The following DENND10 variants were observed in gnomAD, a reference collection of about 807,000 sequenced individuals.
The protein encoded by DENND10 is DENN domain-containing protein 10.
In DENND10, 24 loss-of-function variants were observed where a neutral mutation model predicts 43.6. The ratio of observed to expected loss-of-function variants is 0.55; its 90% CI spans 0.40 to 0.77. The LOEUF (loss-of-function observed/expected upper bound fraction) is 0.77. Among genes scored for constraint, DENND10 ranks in the 30% least tolerant of loss-of-function variants. DENND10 has a pLI of 0.00. For synonymous variants in DENND10, 125 were observed against 157.6 expected (o/e 0.79, Z 1.55); for missense variants, 303 against 429.9 (o/e 0.70, Z 2.61).
At chr10:119,108,764 C>T (rs147266265) in intron 2 of DENND10, among the ~76,000 whole-genome samples, 1 of 151,092 alleles carries the variant, frequency 6.6e-6, no homozygotes, top group Non-Finnish European at 1.5e-5. Context: ...AAGCGATTCA[C>T]CTGCTTCAGC....
chr10:119,112,280 G>A (rs181327127), intron 3 of DENND10, among the ~76,000 whole-genome samples: 62 of 152,176 alleles, frequency 4.1e-4, no homozygotes, highest in African/African-American at 1.4e-3. Context: ...AAACTGGTTC[G>A]TATGTGTCAA....
rs1846392757 is a variant in DENND10 at position 119,137,030 on chromosome 10, C to G, written c.*383C>G. 5.6e-6 allele frequency: 1 copy of G among 178,318 alleles called. No homozygotes were observed. The highest frequency in any genetic ancestry group is 2.4e-5 in the African/African-American group (1 of 41,726). 11.0% of individuals were successfully genotyped at this position (178,318 alleles called of 1,614,324 possible). Reference sequence around the variant, plus strand: ...TAATGGTTTATTTTCAGAAAGCTGCCTGAAACGTTGCTTTGTATTCTTCTA... The same window carrying G: ...TAATGGTTTATTTTCAGAAAGCTGCGTGAAACGTTGCTTTGTATTCTTCTA... On this transcript the variant is annotated 3_prime_UTR_variant, in exon 9 of 9. Transcript: ENST00000361432.
intron 4 of DENND10, among the ~76,000 whole-genome samples, chr10:119,118,786 TCAGCCTC>T (rs1845416946): frequency 6.6e-6 from 1 of 151,162 alleles, no homozygotes; most frequent in Non-Finnish European, 1.5e-5. Context: ...TCCTTCCACC[TCAGCCTC>T]CCGAGTAGCT....
chr10:119,110,295 C>T (rs10886386), intron 2 of DENND10, among the ~76,000 whole-genome samples: 84,857 of 151,302 alleles, frequency 0.56, 24,354 homozygotes, highest in Middle Eastern at 0.7. Context: ...CCTCAGCCTC[C>T]CAAGTAGCTG....
intron 3 of DENND10, among the ~76,000 whole-genome samples, chr10:119,114,803 T>C (rs1404118104): frequency 6.6e-6 from 1 of 151,466 alleles, no homozygotes; most frequent in Non-Finnish European, 1.5e-5. Context: ...AGAGTTTCAC[T>C]CTGTCACCCA....
chr10:119,113,716 A>G (rs1410082086), intron 3 of DENND10, among the ~76,000 whole-genome samples: 1 of 151,054 alleles, frequency 6.6e-6, no homozygotes, highest in Non-Finnish European at 1.5e-5. Flanking sequence ...GAAAAACTCT[A>G]TCATAAGACT....
intron 6 of DENND10, among the ~76,000 whole-genome samples, chr10:119,126,702 T>C (rs868161462): frequency 1.3e-5 from 2 of 152,024 alleles, no homozygotes; most frequent in Non-Finnish European, 2.9e-5. Context: ...TGACCTCAGA[T>C]GATCCACCTG....
chr10:119,123,267 CAAAAA>C (rs752260969), intron 5 of DENND10, among the ~76,000 whole-genome samples, 197 bp from the exon 6 acceptor site: 3 of 152,090 alleles, frequency 2.0e-5, no homozygotes, highest in Non-Finnish European at 2.9e-5. Flanking sequence ...AACTCCATCT[CAAAAA>C]AATAAATAGT....
In DENND10 at chr10:119,126,872, T is replaced by TA. The variant is rs1395896324; in HGVS notation, c.695-2642dup. On this transcript the variant is annotated intron_variant, in intron 6 of 8. Coordinates refer to ENST00000361432, the MANE Select transcript of DENND10 (RefSeq NM_207009.4). Reference sequence around the variant, plus strand: ...GAGCCACTGTGCCTGGCCATTTTCTTATGAAAATTTTTCTTTCTCTTTTTC... The same window carrying TA: ...GAGCCACTGTGCCTGGCCATTTTCTTAATGAAAATTTTTCTTTCTCTTTTTC... Among the ~76,000 whole-genome samples, 4 of 151,924 alleles carry TA rather than the reference T, an allele frequency of 2.6e-5. No homozygotes were observed. The East Asian group carries it at 7.7e-4, about 29-fold the overall frequency.
intron 5 of DENND10, among the ~76,000 whole-genome samples, chr10:119,122,098 G>C (rs1347725273): frequency 6.6e-6 from 1 of 152,058 alleles, no homozygotes; most frequent in African/African-American, 2.4e-5. Flanking sequence ...CCTGAGACCA[G>C]AAGTTCAGGA....
intron 3 of DENND10, 126 bp from the exon 4 acceptor site, chr10:119,117,393 C>T (rs766082342): frequency 4.0e-5 from 37 of 929,608 alleles, no homozygotes; most frequent in Non-Finnish European, 6.0e-5. Flanking sequence ...AAGAGTGAAG[C>T]ATTCAGAAGG....
chr10:119,113,287 T>C (rs1398083853), intron 3 of DENND10, among the ~76,000 whole-genome samples: 2 of 151,748 alleles, frequency 1.3e-5, no homozygotes, highest in African/African-American at 4.8e-5. Flanking sequence ...ACTCCTGGGC[T>C]GAAGCAGTCC....
Position 119,107,956 on chromosome 10 carries a change from T to C in DENND10, c.56-12T>C, listed in dbSNP as rs772997603. On this transcript the variant is annotated splice_polypyrimidine_tract_variant and intron_variant, in intron 1 of 8. Coordinates refer to ENST00000361432, the MANE Select transcript of DENND10 (RefSeq NM_207009.4). ...GTTTGACATTCTCACAGTGACCATC[T>C]TTCCACCGTAGAAAAGGACACAAAT... 5 of 1,613,450 alleles carry C rather than the reference T, an allele frequency of 3.1e-6. No homozygotes were observed. Among genetic ancestry groups the C allele is most frequent in the South Asian group, 2.2e-5 (2 of 91,076 alleles).
intron 8 of DENND10, 150 bp from the exon 9 acceptor site, chr10:119,136,321 A>G: frequency 1.2e-6 from 1 of 864,930 alleles, no homozygotes; most frequent in Middle Eastern, 2.6e-4. Context: ...ACGGTCTCCC[A>G]AAGTGCTGGG....
At chr10:119,121,745 G>A (rs1225530999) in intron 5 of DENND10, among the ~76,000 whole-genome samples, 1 of 151,906 alleles carries the variant, frequency 6.6e-6, no homozygotes, top group Non-Finnish European at 1.5e-5. Context: ...GAGCCACTGT[G>A]CCCGGCCAGG....
At chr10:119,111,203 G>C (rs1844954734) in intron 2 of DENND10, among the ~76,000 whole-genome samples, 1 of 148,110 alleles carries the variant, frequency 6.8e-6, no homozygotes, top group South Asian at 2.1e-4. Context: ...GGGAGGCAGA[G>C]GTTACAGTGA....
At chr10:119,118,306 C>A (rs1357325880) in intron 4 of DENND10, among the ~76,000 whole-genome samples, 1 of 152,090 alleles carries the variant, frequency 6.6e-6, no homozygotes, top group Non-Finnish European at 1.5e-5. Flanking sequence ...CGCTGGTGGG[C>A]TGAATTTTGT....
In DENND10 at chr10:119,132,913, T is replaced by C; in HGVS notation, c.897+304T>C. 2.8e-6 allele frequency: 1 copy of C among 352,966 alleles called. No homozygotes were observed. The allele number at this position is 352,966 out of a possible 1,614,324, so 21.9% of individuals were successfully genotyped here. On this transcript the variant is annotated intron_variant, in intron 8 of 8. Transcript: ENST00000361432. The surrounding 1 kb of genome is among the most constrained non-coding windows in gnomAD (Gnocchi z 4.2). ...CTTTTCTGGGCCAGCCAGTGCATTCTTTCTTCCTAGGAGAATTTCCCTGGA... is the reference window on the plus strand; with the variant it reads ...CTTTTCTGGGCCAGCCAGTGCATTCCTTCTTCCTAGGAGAATTTCCCTGGA...
chr10:119,117,969 A>AAAAAAAC (rs1041069433), intron 4 of DENND10, among the ~76,000 whole-genome samples: 2 of 152,202 alleles, frequency 1.3e-5, no homozygotes, highest in African/African-American at 4.8e-5. Context: ...CCGTCTCAAA[A>AAAAAAAC]AAAAAACAAA....
Sources: gnomAD v4.1 joint callset for allele counts (sites outside exome capture counted in the v4.1 genomes callset) on GRCh38, gnomAD v4.1.1 for gene constraint, Gnocchi (gnomAD v3.1) non-coding constraint, MANE v1.5 for transcripts, NCBI Gene and HGNC (gene_info 2026-07-23, HGNC 2026-07-21) for gene names.